Variants in SGCE observed in about 807,000 individuals in gnomAD.
The protein encoded by SGCE is sarcoglycan epsilon.
SGCE carries 26 observed loss-of-function variants against 57.8 expected under a neutral mutation model. The observed-to-expected ratio is 0.45, with a 90% CI of 0.33 to 0.62. SGCE has a LOEUF of 0.62. Ranked by LOEUF, SGCE falls within the 20% of genes least tolerant of loss-of-function variation. The pLI, the probability that SGCE is intolerant of heterozygous loss-of-function variation, is 0.02. For synonymous variants in SGCE, 183 were observed against 189.5 expected, an observed-to-expected ratio of 0.97 and a Z score of 0.28; for missense variants, 468 against 548.6, an observed-to-expected ratio of 0.85 and a Z score of 1.47.
At chr7:94,634,403 C>A (rs1373303532) in intron 1 of SGCE, among the ~76,000 whole-genome samples, 1 of 152,108 alleles carries the variant, frequency 6.6e-6, no homozygotes. Context: ...TGTCATTTAC[C>A]GATCACACTG....
chr7:94,634,355 A>G (rs565990019), intron 1 of SGCE, among the ~76,000 whole-genome samples: 1 of 152,164 alleles, frequency 6.6e-6, no homozygotes, highest in Non-Finnish European at 1.5e-5. Flanking sequence ...ACTCTGCTCT[A>G]TTATACGGTG....
At chr7:94,624,162 CAA>C (rs11331999) in intron 3 of SGCE, 9,680 of 344,978 alleles carry the variant, frequency 0.028, no homozygotes, top group Middle Eastern at 0.046. Context: ...TGCAGTACCT[CAA>C]AAAAAAAAAA....
At chr7:94,643,619 C>T (rs936812447) in intron 1 of SGCE, among the ~76,000 whole-genome samples, 8 of 152,116 alleles carry the variant, frequency 5.3e-5, no homozygotes, top group Non-Finnish European at 1.2e-4. Context: ...CACGATGCCA[C>T]GAATGATGTG....
At chr7:94,613,390 T>G (rs1314572121) in intron 5 of SGCE, among the ~76,000 whole-genome samples, 1 of 152,210 alleles carries the variant, frequency 6.6e-6, no homozygotes, top group Non-Finnish European at 1.5e-5. Flanking sequence ...ATGAGAATGA[T>G]CTTTACCTTT....
At chr7:94,606,370 T>C (rs994082932) in intron 5 of SGCE, among the ~76,000 whole-genome samples, 7 of 152,186 alleles carry the variant, frequency 4.6e-5, no homozygotes, top group East Asian at 1.9e-4. Flanking sequence ...AGGAAACTTA[T>C]CAGAGACAAA....
chr7:94,643,849 G>A (rs1283365385), intron 1 of SGCE, among the ~76,000 whole-genome samples: 2 of 152,086 alleles, frequency 1.3e-5, no homozygotes, highest in Non-Finnish European at 2.9e-5. Context: ...TTTTTTATGT[G>A]AGAATGGATT....
chr7:94,586,464 C>G (rs1030012800), intron 10 of SGCE: 1 of 152,178 alleles, frequency 6.6e-6, no homozygotes, highest in Admixed American at 6.5e-5. Flanking sequence ...CAGCCCTTCT[C>G]TCCAGGAGGC....
chr7:94,611,780 G>T (rs1327154210), intron 5 of SGCE, among the ~76,000 whole-genome samples: 1 of 151,954 alleles, frequency 6.6e-6, no homozygotes, highest in African/African-American at 2.4e-5. Context: ...CTGTGTTCGA[G>T]AATATGTTCA....
intron 9 of SGCE, among the ~76,000 whole-genome samples, chr7:94,591,618 G>A (rs1487298962): frequency 7.6e-6 from 1 of 131,936 alleles, no homozygotes; most frequent in Admixed American, 7.8e-5. Flanking sequence ...TGAGGTAGTT[G>A]GATGCCCCCC....
intron 3 of SGCE, 30 bp from the exon 4 acceptor site, chr7:94,623,427 A>ACATTTCACTTC: frequency 7.3e-7 from 1 of 1,367,740 alleles, no homozygotes; most frequent in Non-Finnish European, 1.0e-6. Flanking sequence ...ATATTAAAGA[A>ACATTTCACTTC]GTGAAATGTT....
chr7:94,598,867 A>C lies in SGCE; in HGVS notation c.1161T>G (p.Leu387=). Residue 387 remains leucine (L), a synonymous_variant, in exon 9 of 11, where the codon CTT becomes CTG. Transcript: ENST00000648936. ...NREIAWPLST[L]PVFHPVTGEI... The stretch of plus-strand genomic sequence containing the variant: ...CCCCAGTCACAGGGTGGAACACAGG[A>C]AGCGTTGACAGGGGCCATGCTATCT... 1 of 1,612,948 alleles carries C rather than the reference A, an allele frequency of 6.2e-7. No individual in the cohort carries two copies. The highest frequency in any genetic ancestry group is 8.5e-7 in the Non-Finnish European group (1 of 1,178,936).
chr7:94,601,334 C>T (rs917604960), intron 6 of SGCE, among the ~76,000 whole-genome samples: 3 of 150,102 alleles, frequency 2.0e-5, no homozygotes, highest in East Asian at 3.9e-4. Flanking sequence ...AATTTCCAAA[C>T]GTGTCGTCCT....
At chr7:94,631,707 T>C (rs1169815881) in intron 1 of SGCE, among the ~76,000 whole-genome samples, 3 of 151,582 alleles carry the variant, frequency 2.0e-5, no homozygotes, top group African/African-American at 4.8e-5. Flanking sequence ...AAATTTAAGG[T>C]AGGGGGAGGC....
chr7:94,653,086 A>G (rs1244900823), intron 1 of SGCE, among the ~76,000 whole-genome samples: 1 of 152,206 alleles, frequency 6.6e-6, no homozygotes, highest in African/African-American at 2.4e-5. Context: ...CTATTTTACA[A>G]GTGAAAATTC....
intron 6 of SGCE, among the ~76,000 whole-genome samples, chr7:94,602,328 G>GGC (rs1170566844): frequency 2.0e-5 from 3 of 152,148 alleles, no homozygotes; most frequent in African/African-American, 7.2e-5. Context: ...TGAGACAAGA[G>GGC]GCATGAGAAG....
chr7:94,634,178 A>G (rs117452801), intron 1 of SGCE, among the ~76,000 whole-genome samples: 2 of 152,266 alleles, frequency 1.3e-5, no homozygotes, highest in East Asian at 3.9e-4. Context: ...ATGTCCATTT[A>G]TATCATCATT....
Position 94,601,771 on chromosome 7 carries a change from T to C in SGCE, c.826-914A>G, listed in dbSNP as rs145098813. 2.6e-4 allele frequency among the ~76,000 whole-genome samples: 39 copies of C among 152,258 alleles called. No individual in the cohort carries two copies. The East Asian group carries it at 6.9e-3, about 27-fold the overall frequency. ...CTCCTTTTTAAAAATGAGAACTAAA[T>C]ATGAATTTCATTTATTTTTGTCCTG... On this transcript the variant is annotated intron_variant, in intron 6 of 10. Transcript: ENST00000648936.
chr7:94,587,981 C>T (rs1562780235), intron 10 of SGCE: 1 of 1,411,848 alleles, frequency 7.1e-7, no homozygotes, highest in Non-Finnish European at 9.2e-7. Context: ...TAAAACTTCT[C>T]TTGCTTTTCC....
intron 1 of SGCE, among the ~76,000 whole-genome samples, chr7:94,635,739 A>G (rs1805523865): frequency 6.6e-6 from 1 of 152,246 alleles, no homozygotes; most frequent in Non-Finnish European, 1.5e-5. Context: ...AGAGAGATCA[A>G]TATCCAGCCA....
Sources: gnomAD v4.1 joint callset for allele counts (sites outside exome capture counted in the v4.1 genomes callset) on GRCh38, gnomAD v4.1.1 for gene constraint, MANE v1.5 for transcripts, NCBI Gene and HGNC (gene_info 2026-07-23, HGNC 2026-07-21) for gene names.